ART3: variants seen among roughly 807,000 people sequenced by gnomAD.
The protein encoded by ART3 is ADP-ribosyltransferase 3 (inactive).
ART3 carries 49 observed loss-of-function variants against 48.5 expected under a neutral mutation model. The ratio of observed to expected loss-of-function variants is 1.01; its 90% confidence interval spans 0.80 to 1.28. ART3 has a LOEUF of 1.28. Ranked by LOEUF, ART3 falls within the 50% of genes most tolerant of loss-of-function variation. The probability of loss-of-function intolerance (pLI) is 0.00; values close to 1 mark genes in which losing one functional copy is unlikely to be tolerated. For missense variants in ART3, 438 were observed against 454.3 expected (o/e 0.96, Z 0.33); for synonymous variants, 145 against 157.2 (o/e 0.92, Z 0.58).
chr4:76,013,368 T>C (rs1005265208), intron 1 of ART3, among the ~76,000 whole-genome samples: 3 of 152,172 alleles, frequency 2.0e-5, no homozygotes, highest in East Asian at 3.8e-4. Context: ...AAGTGCCTTG[T>C]GAATCTCTAT....
intron 2 of ART3, among the ~76,000 whole-genome samples, chr4:76,078,684 A>G (rs1237637810): frequency 6.6e-6 from 1 of 152,182 alleles, no homozygotes; most frequent in East Asian, 1.9e-4. Context: ...AAATGTTGTA[A>G]TGAAGACAGA....
upstream of ART3, among the ~76,000 whole-genome samples, chr4:76,071,299 C>T (rs1436469798): frequency 3.4e-5 from 5 of 148,582 alleles, no homozygotes; most frequent in East Asian, 2.0e-4. Flanking sequence ...GATAGGGAGG[C>T]GGAGGCTGCA....
At chr4:76,049,304 G>A (rs1735807087) in intron 1 of ART3, among the ~76,000 whole-genome samples, 1 of 152,030 alleles carries the variant, frequency 6.6e-6, no homozygotes, top group South Asian at 2.1e-4. Context: ...TGTCTGGCAG[G>A]CATTAGGACC....
At chr4:76,107,598 A>C in intron 10 of ART3, 163 bp from the exon 11 acceptor site, 1 of 460,928 alleles carries the variant, frequency 2.2e-6, no homozygotes, top group Non-Finnish European at 4.0e-6. Context: ...ATGAGAACAA[A>C]TTAAACCCTT....
chr4:76,082,126 A>G lies in ART3; in HGVS notation c.372A>G (p.Gln124=), dbSNP rs748051972. 11 of 1,614,216 alleles carry G rather than the reference A, an allele frequency of 6.8e-6. No homozygotes were observed. The highest frequency in any genetic ancestry group is 1.6e-4 in the Middle Eastern group (1 of 6,062). ...LFSEAVKMAG[Q]SREDYIYGFQ... Reference sequence around the variant, plus strand: ...GTGAAGCTGTGAAGATGGCTGGCCAATCTCGAGAAGATTATATCTATGGCT... The same window carrying G: ...GTGAAGCTGTGAAGATGGCTGGCCAGTCTCGAGAAGATTATATCTATGGCT... The change falls in exon 3 of 12, where the codon CAA becomes CAG. Residue 124 remains glutamine (Q), a synonymous_variant. Transcript: ENST00000355810.
intron 2 of ART3, among the ~76,000 whole-genome samples, chr4:76,081,555 C>G (rs577426071): frequency 6.6e-6 from 1 of 152,292 alleles, no homozygotes; most frequent in African/African-American, 2.4e-5. Flanking sequence ...TTGCTCTGTG[C>G]CATAATGTCC....
At chr4:76,100,856 A>G (rs1340810350) in intron 7 of ART3, 32 bp downstream of exon 7, 2 of 1,607,940 alleles carry the variant, frequency 1.2e-6, no homozygotes, top group Non-Finnish European at 1.7e-6. Flanking sequence ...CTGGGGGCTT[A>G]CATTTTACAA....
At chr4:76,041,999 T>C in intron 1 of ART3, among the ~76,000 whole-genome samples, 1 of 152,248 alleles carries the variant, frequency 6.6e-6, no homozygotes, top group Middle Eastern at 3.2e-3. Flanking sequence ...GTTTCCAGAA[T>C]TGGACTACTT....
chr4:76,071,367 C>CAA (rs58525379), upstream of ART3, among the ~76,000 whole-genome samples: 2 of 130,792 alleles, frequency 1.5e-5, no homozygotes. Flanking sequence ...GACTCCATCT[C>CAA]AAAAAAAAAA....
At chr4:76,039,256 C>A (rs961270801) in intron 1 of ART3, among the ~76,000 whole-genome samples, 18 of 152,072 alleles carry the variant, frequency 1.2e-4, no homozygotes, top group African/African-American at 4.1e-4. Flanking sequence ...TGTGTTACCA[C>A]GCCCAGCCAA....
At chr4:76,072,202 G>C (rs1720386249), upstream of ART3, among the ~76,000 whole-genome samples, 1 of 152,172 alleles carries the variant, frequency 6.6e-6, no homozygotes, top group African/African-American at 2.4e-5. Context: ...CACTTTAACT[G>C]TATAATAAAT....
At chr4:76,084,289 T>A (rs1412797424) in intron 3 of ART3, among the ~76,000 whole-genome samples, 1 of 152,156 alleles carries the variant, frequency 6.6e-6, no homozygotes, top group Non-Finnish European at 1.5e-5. Context: ...ACTACTTTGT[T>A]TGGTGTGGTG....
At chr4:76,038,518 C>T (rs1056879132) in intron 1 of ART3, among the ~76,000 whole-genome samples, 1 of 152,088 alleles carries the variant, frequency 6.6e-6, no homozygotes, top group Non-Finnish European at 1.5e-5. Context: ...TAAAGAAAGA[C>T]TAATTTTCCC....
chr4:76,019,489 C>A (rs2149364863), intron 1 of ART3, among the ~76,000 whole-genome samples: 1 of 15,220 alleles, frequency 6.6e-5, no homozygotes, highest in South Asian at 2.3e-3. Context: ...AAAAGCAATT[C>A]TTGGCTGGGC....
intron 1 of ART3, among the ~76,000 whole-genome samples, chr4:76,068,074 A>G (rs1177218172): frequency 6.6e-6 from 1 of 152,184 alleles, no homozygotes; most frequent in Non-Finnish European, 1.5e-5. Flanking sequence ...TAGTCTTCAA[A>G]TTGGGATACA....
At chr4:76,062,136 C>A (rs1390290053) in intron 1 of ART3, among the ~76,000 whole-genome samples, 1 of 152,146 alleles carries the variant, frequency 6.6e-6, no homozygotes, top group Non-Finnish European at 1.5e-5. Context: ...AGAAAGCTAC[C>A]AGACCTACTC....
intron 1 of ART3, chr4:76,022,841 A>G: frequency 1.2e-6 from 2 of 1,602,322 alleles, no homozygotes; most frequent in Non-Finnish European, 1.7e-6. Flanking sequence ...GGAACAGCAG[A>G]GAAGGTTAGC....
At chr4:76,053,335 AAATT>A (rs1251651098) in intron 1 of ART3, among the ~76,000 whole-genome samples, 2 of 152,148 alleles carry the variant, frequency 1.3e-5, no homozygotes, top group Admixed American at 6.6e-5. Flanking sequence ...ATTTTCTTAT[AAATT>A]AATTAAGAGT....
intron 3 of ART3, 139 bp from the exon 4 acceptor site, chr4:76,097,505 C>T (rs747325620): frequency 1.2e-4 from 82 of 677,068 alleles, no homozygotes; most frequent in Non-Finnish European, 1.9e-4. Flanking sequence ...CCATGCCCAG[C>T]CTGCAATTTG....
Sources: allele counts gnomAD v4.1 joint callset (sites outside exome capture counted in the v4.1 genomes callset), GRCh38; gene constraint gnomAD v4.1.1; transcripts MANE v1.5; gene names NCBI Gene and HGNC (gene_info 2026-07-23, HGNC 2026-07-21).